Variants in CLOCK observed in about 807,000 individuals in gnomAD.
CLOCK encodes circadian locomoter output cycles protein kaput.
A neutral mutation model predicts 118.4 loss-of-function variants in CLOCK; 43 were observed. The observed-to-expected ratio is 0.36, with a 90% CI of 0.28 to 0.47. The LOEUF (loss-of-function observed/expected upper bound fraction) is 0.47, where lower values mean the gene tolerates loss of function less well. Ranked by LOEUF, CLOCK falls within the 20% of genes least tolerant of loss-of-function variation. The pLI is 1.00. For missense variants in CLOCK, 846 were observed against 999.9 expected, an observed-to-expected ratio of 0.85 and a Z score of 2.08; for synonymous variants, 326 against 339.2, an observed-to-expected ratio of 0.96 and a Z score of 0.43.
In CLOCK at chr4:55,459,155, T is replaced by C. The variant is rs764422637; in HGVS notation, c.666A>G (p.Leu222=). The part of the protein sequence containing the change: ...YVKFIGNFKS[L]NSVSSSAHNG... ...AGAAGCATTTTAACTCACCACTGTT[T>C]AAAGATTTGAAATTTCCTATAAATT... Residue 222 remains leucine (L), a synonymous_variant, in exon 10 of 23, where the codon TTA becomes TTG. Transcript: ENST00000513440. 1.9e-6 allele frequency: 3 copies of C among 1,580,594 alleles called. No homozygotes were observed. Among genetic ancestry groups the C allele is most frequent in the Middle Eastern group, 1.7e-4 (1 of 6,010 alleles).
chr4:55,473,805 A>G (rs1272036829), intron 7 of CLOCK, among the ~76,000 whole-genome samples: 1 of 151,902 alleles, frequency 6.6e-6, no homozygotes, highest in Non-Finnish European at 1.5e-5. Flanking sequence ...AACTTTTTCC[A>G]TTATTATTAT....
At chr4:55,533,450 A>C (rs576096328) in intron 1 of CLOCK, among the ~76,000 whole-genome samples, 23 of 152,308 alleles carry the variant, frequency 1.5e-4, no homozygotes, top group African/African-American at 5.3e-4. Flanking sequence ...GATATTACTA[A>C]TTTATTTTAT....
chr4:55,488,351 A>T (rs1727443256), intron 3 of CLOCK, among the ~76,000 whole-genome samples: 1 of 151,980 alleles, frequency 6.6e-6, no homozygotes, highest in Non-Finnish European at 1.5e-5. Flanking sequence ...CCAAATCCAC[A>T]CCCCTAGAAT....
At chr4:55,478,486 TCC>T (rs1297511474) in intron 6 of CLOCK, among the ~76,000 whole-genome samples, 2 of 152,134 alleles carry the variant, frequency 1.3e-5, no homozygotes, top group Non-Finnish European at 2.9e-5. Flanking sequence ...TTTAAAAGTC[TCC>T]CTGACATACT....
chr4:55,526,981 T>A (rs1309509037), intron 1 of CLOCK, among the ~76,000 whole-genome samples: 5 of 129,294 alleles, frequency 3.9e-5, no homozygotes, highest in African/African-American at 8.7e-5. Context: ...AACTCCGTAA[T>A]GAGGCAACAA....
intron 21 of CLOCK, among the ~76,000 whole-genome samples, chr4:55,440,112 A>G (rs1179336247): frequency 6.6e-6 from 1 of 152,166 alleles, no homozygotes; most frequent in Non-Finnish European, 1.5e-5. Flanking sequence ...TTCATCTGCT[A>G]CACTGGCACA....
At chr4:55,530,643 CAAACGCCTGT>C in intron 1 of CLOCK, among the ~76,000 whole-genome samples, 1 of 151,788 alleles carries the variant, frequency 6.6e-6, no homozygotes, top group East Asian at 1.9e-4. Flanking sequence ...GGCATGGTGG[CAAACGCCTGT>C]AATCCCATCT....
intron 2 of CLOCK, among the ~76,000 whole-genome samples, chr4:55,503,977 G>GT (rs1553900255): frequency 0.035 from 882 of 25,118 alleles, 13 homozygotes; most frequent in African/African-American, 0.077. Flanking sequence ...GCAAAAAGAG[G>GT]TAAAAAAAAA....
intron 1 of CLOCK, among the ~76,000 whole-genome samples, chr4:55,516,852 T>C (rs1729547408): frequency 6.6e-6 from 1 of 152,200 alleles, no homozygotes; most frequent in Non-Finnish European, 1.5e-5. Context: ...TTTTTTGTTT[T>C]ACTTTTTTTA....
chr4:55,527,670 T>C (rs1469280041), intron 1 of CLOCK, among the ~76,000 whole-genome samples: 1 of 152,174 alleles, frequency 6.6e-6, no homozygotes, highest in Non-Finnish European at 1.5e-5. Flanking sequence ...TTGAAAAAGC[T>C]GAATATGAAC....
intron 1 of CLOCK, among the ~76,000 whole-genome samples, chr4:55,543,086 T>A (rs75108022): frequency 0.025 from 3,746 of 152,166 alleles, 157 homozygotes; most frequent in African/African-American, 0.086. Flanking sequence ...CTAATTTTTT[T>A]TAAAAAAATT....
chr4:55,444,209 A>G (rs6820823), intron 19 of CLOCK, among the ~76,000 whole-genome samples: 15,801 of 152,156 alleles, frequency 0.1, 2,789 homozygotes, highest in African/African-American at 0.36. Context: ...GTTTCCCTTT[A>G]CCAAAGTCAT....
chr4:55,544,485 G>A (rs1202045094), intron 1 of CLOCK, among the ~76,000 whole-genome samples: 3 of 152,134 alleles, frequency 2.0e-5, no homozygotes, highest in African/African-American at 4.8e-5. Context: ...AGCAAGGCAA[G>A]ATATAACTAA....
chr4:55,435,074 T>C lies in CLOCK; in HGVS notation c.*341A>G. 2.9e-6 allele frequency: 1 copy of C among 345,652 alleles called. No homozygotes were observed. The highest frequency in any genetic ancestry group is 5.6e-6 in the Non-Finnish European group (1 of 177,042). 21.4% of individuals were successfully genotyped at this position (345,652 alleles called of 1,614,324 possible). On this transcript the variant is annotated 3_prime_UTR_variant, in exon 23 of 23. Coordinates refer to ENST00000513440, the MANE Select transcript of CLOCK (RefSeq NM_004898.4). ...TAAGAGGCACAGAACCACTAAAAGT[T>C]ACTAACATCATTAGTGCCTTTCTGA...
intron 15 of CLOCK, among the ~76,000 whole-genome samples, chr4:55,451,577 C>T (rs1724461791): frequency 3.3e-5 from 5 of 152,104 alleles, no homozygotes; most frequent in Admixed American, 3.3e-4. Flanking sequence ...ATGATGCTGG[C>T]AGTAAATATG....
chr4:55,538,151 A>G (rs1224071485), intron 1 of CLOCK, among the ~76,000 whole-genome samples: 1 of 152,218 alleles, frequency 6.6e-6, no homozygotes, highest in Non-Finnish European at 1.5e-5. Flanking sequence ...TACAGATATT[A>G]AAAGAACAAT....
chr4:55,527,222 A>G (rs1730262414), intron 1 of CLOCK, among the ~76,000 whole-genome samples: 2 of 152,200 alleles, frequency 1.3e-5, no homozygotes, highest in Admixed American at 1.3e-4. Flanking sequence ...TATGTGGAAT[A>G]TACTTCAAAA....
intron 3 of CLOCK, among the ~76,000 whole-genome samples, chr4:55,488,194 TC>T (rs1329542574): frequency 6.6e-6 from 1 of 152,210 alleles, no homozygotes; most frequent in African/African-American, 2.4e-5. Flanking sequence ...TTTTCTTGAT[TC>T]CAGTGACAGA....
chr4:55,453,272 TATA>T, intron 14 of CLOCK, 143 bp from the exon 15 acceptor site: 1 of 667,490 alleles, frequency 1.5e-6, no homozygotes, highest in South Asian at 2.0e-5. Context: ...AAAATATACC[TATA>T]ATGTCTTAAT....
Sources: allele counts gnomAD v4.1 joint callset (sites outside exome capture counted in the v4.1 genomes callset), GRCh38; gene constraint gnomAD v4.1.1; transcripts MANE v1.5; gene names NCBI Gene and HGNC (gene_info 2026-07-23, HGNC 2026-07-21).